DPY19L3: variants seen among roughly 807,000 people sequenced by gnomAD.
DPY19L3 encodes the protein protein C-mannosyl-transferase DPY19L3.
Under a neutral mutation model 92.3 loss-of-function variants are expected in DPY19L3, and 51 were observed. The observed-to-expected ratio is 0.55, with a 90% CI of 0.44 to 0.70. The LOEUF is 0.70. Ranked by LOEUF, DPY19L3 falls within the 30% of genes least tolerant of loss-of-function variation. The pLI, the probability that DPY19L3 is intolerant of heterozygous loss-of-function variation, is 0.00. For missense variants in DPY19L3, 706 were observed against 855.9 expected, an observed-to-expected ratio of 0.82 and a Z score of 2.18; for synonymous variants, 309 against 315.2, an observed-to-expected ratio of 0.98 and a Z score of 0.21.
intron 6 of DPY19L3, among the ~76,000 whole-genome samples, chr19:32,438,621 G>C (rs1299770044): frequency 1.3e-5 from 2 of 152,132 alleles, no homozygotes; most frequent in Non-Finnish European, 2.9e-5. Flanking sequence ...TATGTGTGGG[G>C]ATGGTGTACA....
intron 8 of DPY19L3, among the ~76,000 whole-genome samples, chr19:32,450,347 TAG>T (rs1404463811): frequency 2.0e-5 from 3 of 152,178 alleles, no homozygotes; most frequent in African/African-American, 2.4e-5. Context: ...GATTTTAATA[TAG>T]AGTTACCATA....
At chr19:32,452,860 ATTT>A (rs55722260) in intron 8 of DPY19L3, among the ~76,000 whole-genome samples, 9 of 139,436 alleles carry the variant, frequency 6.5e-5, no homozygotes, top group Non-Finnish European at 6.3e-5. Flanking sequence ...CGCCTAGCTA[ATTT>A]TTTTTTTTTT....
At chr19:32,424,932 T>C (rs1306863398) in intron 3 of DPY19L3, among the ~76,000 whole-genome samples, 1 of 152,164 alleles carries the variant, frequency 6.6e-6, no homozygotes, top group African/African-American at 2.4e-5. Context: ...AATCCTTAGA[T>C]GGTCAAGTGA....
In DPY19L3 at chr19:32,483,177, A is replaced by C. The variant is rs545174900; in HGVS notation, c.*937A>C. 1 of 152,188 alleles carries C rather than the reference A, an allele frequency of 6.6e-6. No individual in the cohort carries two copies. Among genetic ancestry groups the C allele is most frequent in the East Asian group, 1.9e-4 (1 of 5,202 alleles). The allele number at this position is 152,188 out of a possible 1,614,324, so 9.4% of individuals were successfully genotyped here. On this transcript the variant is annotated 3_prime_UTR_variant, in exon 19 of 19. Coordinates refer to ENST00000392250, the MANE Select transcript of DPY19L3 (RefSeq NM_001172774.2). ...AGTCTGAATATTTTTTAAATGTTCT[A>C]TCTTAACTAGTTCACTAATACAGTA...
At chr19:32,420,940 G>A (rs915407516) in intron 3 of DPY19L3, among the ~76,000 whole-genome samples, 1 of 151,858 alleles carries the variant, frequency 6.6e-6, no homozygotes, top group Non-Finnish European at 1.5e-5. Flanking sequence ...TTCATCCTAA[G>A]TGCCTAAATA....
At chr19:32,481,339 G>C (rs1052822387) in intron 18 of DPY19L3, 1 of 152,040 alleles carries the variant, frequency 6.6e-6, no homozygotes, top group Non-Finnish European at 1.5e-5. Flanking sequence ...TAACTGTCTT[G>C]AGTTCAGAGG....
chr19:32,441,521 G>A (rs1160046599), intron 8 of DPY19L3, among the ~76,000 whole-genome samples: 1 of 146,008 alleles, frequency 6.8e-6, no homozygotes, highest in African/African-American at 2.5e-5. Flanking sequence ...TCTTTGAGAT[G>A]GAGTCTCACT....
intron 10 of DPY19L3, among the ~76,000 whole-genome samples, chr19:32,457,071 T>C (rs1969889049): frequency 6.6e-6 from 1 of 152,202 alleles, no homozygotes; most frequent in South Asian, 2.1e-4. Flanking sequence ...ACACAGTTCT[T>C]GCATTGGCCC....
chr19:32,441,328 A>G (rs1209134654), intron 8 of DPY19L3, among the ~76,000 whole-genome samples: 2 of 152,212 alleles, frequency 1.3e-5, no homozygotes, highest in Non-Finnish European at 2.9e-5. Context: ...TTATATAACC[A>G]TTAGTTCCCC....
chr19:32,420,719 G>A (rs1968541291), intron 3 of DPY19L3, among the ~76,000 whole-genome samples: 1 of 152,090 alleles, frequency 6.6e-6, no homozygotes, highest in South Asian at 2.1e-4. Flanking sequence ...CAAAGTGCTG[G>A]GATTACAAGC....
At position 32,485,347 on chromosome 19, in the gene DPY19L3, T is replaced by C. The variant is rs1423963264; in HGVS notation, c.*3107T>C. Reference sequence around the variant, plus strand: ...ATGTTACCCAGGCCATTTATCATCCTGTTAATGATGATTTTCCCGACCCTT... The same window carrying C: ...ATGTTACCCAGGCCATTTATCATCCCGTTAATGATGATTTTCCCGACCCTT... On this transcript the variant is annotated 3_prime_UTR_variant, in exon 19 of 19. Coordinates refer to ENST00000392250, the MANE Select transcript of DPY19L3 (RefSeq NM_001172774.2). 6.6e-6 allele frequency: 1 copy of C among 152,154 alleles called. No individual in the cohort carries two copies. The highest frequency in any genetic ancestry group is 2.4e-5 in the African/African-American group (1 of 41,430). The allele number at this position is 152,154 out of a possible 1,614,324, so 9.4% of individuals were successfully genotyped here.
chr19:32,464,280 G>T (rs150904910), intron 14 of DPY19L3, among the ~76,000 whole-genome samples: 1 of 151,948 alleles, frequency 6.6e-6, no homozygotes, highest in African/African-American at 2.4e-5. Context: ...AATTATAACT[G>T]TTGTTATTAT....
chr19:32,437,665 G>A (rs1969188200), intron 6 of DPY19L3, among the ~76,000 whole-genome samples: 1 of 151,718 alleles, frequency 6.6e-6, no homozygotes, highest in Non-Finnish European at 1.5e-5. Context: ...TTTTAAATTG[G>A]CAAATAATAA....
At position 32,484,853 on chromosome 19, in the gene DPY19L3, G is replaced by A. The variant is rs1273978084; in HGVS notation, c.*2613G>A. On this transcript the variant is annotated 3_prime_UTR_variant, in exon 19 of 19. Transcript: ENST00000392250. ...ATTAAGTTGAATACTTTGGTAAAAAGTGATAAAGGCTGAGTTGCCAATAAA... is the reference window on the plus strand; with the variant it reads ...ATTAAGTTGAATACTTTGGTAAAAAATGATAAAGGCTGAGTTGCCAATAAA... The A allele has an allele frequency of 1.3e-5, 2 of 152,212 alleles. No homozygotes were observed. The highest frequency in any genetic ancestry group is 2.9e-5 in the Non-Finnish European group (2 of 68,024). 9.4% of individuals were successfully genotyped at this position (152,212 alleles called of 1,614,324 possible). A position where few individuals can be genotyped will look rare whatever the true frequency, so the allele number is the denominator to read the frequency against.
At chr19:32,449,359 A>G (rs1019406714) in intron 8 of DPY19L3, among the ~76,000 whole-genome samples, 2 of 152,196 alleles carry the variant, frequency 1.3e-5, no homozygotes, top group South Asian at 2.1e-4. Context: ...AAATTGATCT[A>G]CAGATTCAAC....
At chr19:32,426,897 T>C (rs534559867) in intron 3 of DPY19L3, among the ~76,000 whole-genome samples, 1 of 152,360 alleles carries the variant, frequency 6.6e-6, no homozygotes, top group South Asian at 2.1e-4. Context: ...AAAAATGCAT[T>C]ATCTGCAAAG....
chr19:32,465,190 C>T (rs1464018535), intron 15 of DPY19L3, among the ~76,000 whole-genome samples: 1 of 152,170 alleles, frequency 6.6e-6, no homozygotes, highest in Non-Finnish European at 1.5e-5. Context: ...AGATGCTTAT[C>T]TTCATAAGAG....
At chr19:32,424,584 C>G (rs1347087869) in intron 3 of DPY19L3, among the ~76,000 whole-genome samples, 1 of 151,878 alleles carries the variant, frequency 6.6e-6, no homozygotes, top group African/African-American at 2.4e-5. Flanking sequence ...GAGCCAAGAT[C>G]ATGCCGTTGT....
chr19:32,447,387 A>G (rs933388243), intron 8 of DPY19L3, among the ~76,000 whole-genome samples: 2 of 152,198 alleles, frequency 1.3e-5, no homozygotes, highest in African/African-American at 4.8e-5. Context: ...AGCAGAAATC[A>G]ATGCTATTGA....
Sources: allele counts gnomAD v4.1 joint callset (sites outside exome capture counted in the v4.1 genomes callset), GRCh38; gene constraint gnomAD v4.1.1; transcripts MANE v1.5; gene names NCBI Gene and HGNC (gene_info 2026-07-23, HGNC 2026-07-21).